Variants in GALNT13 observed in about 807,000 individuals in gnomAD.
GALNT13 encodes the protein polypeptide N-acetylgalactosaminyltransferase 13, also known as UDP-GalNAc:polypeptide N-acetylgalactosaminyltransferase 13.
In GALNT13, 28 loss-of-function variants were observed where a neutral mutation model predicts 64.2. The observed-to-expected ratio is 0.44, with a 90% confidence interval of 0.32 to 0.60. The LOEUF (loss-of-function observed/expected upper bound fraction) is 0.60, where lower values mean the gene tolerates loss of function less well. Ranked by LOEUF, GALNT13 falls within the 20% of genes least tolerant of loss-of-function variation. The probability of loss-of-function intolerance (pLI) is 0.05; values close to 1 mark genes in which losing one functional copy is unlikely to be tolerated. For synonymous variants in GALNT13, 214 were observed against 224.6 expected (o/e 0.95, Z 0.42); for missense variants, 577 against 669.8 (o/e 0.86, Z 1.53).
the GALNT13 span, among the ~76,000 whole-genome samples, chr2:153,851,207 A>G: frequency 3.3e-5 from 5 of 152,192 alleles, no homozygotes; most frequent in Admixed American, 6.5e-5. Flanking sequence ...TTTCAATACA[A>G]TTCTTGTCAG....
intron 4 of GALNT13, among the ~76,000 whole-genome samples, chr2:154,180,126 A>C (rs1284469006): frequency 6.6e-6 from 1 of 152,154 alleles, no homozygotes; most frequent in Non-Finnish European, 1.5e-5. Context: ...CATAATACAG[A>C]TGGCATTGTA....
At chr2:153,908,714 T>C (rs1688743549) in intron 2 of GALNT13, among the ~76,000 whole-genome samples, 1 of 152,090 alleles carries the variant, frequency 6.6e-6, no homozygotes, top group African/African-American at 2.4e-5. Flanking sequence ...GTGTGCAGCC[T>C]TAATTCTGGG....
chr2:153,105,724 T>C, the GALNT13 span, among the ~76,000 whole-genome samples: 1 of 151,960 alleles, frequency 6.6e-6, no homozygotes, highest in African/African-American at 2.4e-5. Flanking sequence ...TATACACCAA[T>C]AACAGACAGA....
Position 154,207,585 on chromosome 2 carries a change from A to G in GALNT13, c.312-34445A>G, listed in dbSNP as rs540515222. 8.5e-5 allele frequency among the ~76,000 whole-genome samples: 13 copies of G among 152,310 alleles called. No homozygotes were observed. In the South Asian group the frequency reaches 1.7e-3, roughly 19 times the overall value. On this transcript the variant is annotated intron_variant, in intron 4 of 12. Coordinates refer to ENST00000392825, the MANE Select transcript of GALNT13 (RefSeq NM_052917.4). ...AAATGTTATATCACTTAACATAATTATTGTAATTATCCATATTAATAGTAA... is the reference window on the plus strand; with the variant it reads ...AAATGTTATATCACTTAACATAATTGTTGTAATTATCCATATTAATAGTAA...
intron 3 of GALNT13, among the ~76,000 whole-genome samples, chr2:153,949,947 A>G (rs1351481608): frequency 1.3e-5 from 2 of 152,084 alleles, no homozygotes; most frequent in African/African-American, 4.8e-5. Flanking sequence ...AACTCATGTC[A>G]TGAAGTTTGG....
At chr2:153,087,040 G>A in the GALNT13 span, among the ~76,000 whole-genome samples, 221 of 152,156 alleles carry the variant, frequency 1.5e-3, 2 homozygotes, top group African/African-American at 4.8e-3. Flanking sequence ...TGATGAAAGC[G>A]GGCATCCATG....
In GALNT13 at chr2:154,173,046, C is replaced by T. The variant is rs181158876; in HGVS notation, c.311+32541C>T. On this transcript the variant is annotated intron_variant, in intron 4 of 12. Transcript: ENST00000392825. ...TGAGCAAAAAAGAACATGAGTAAAG[C>T]TATAGGCATCACATTACTTGACTTC... 5.9e-5 allele frequency among the ~76,000 whole-genome samples: 9 copies of T among 151,926 alleles called. No homozygotes were observed. The East Asian group carries it at 1.7e-3, about 29-fold the overall frequency.
the GALNT13 span, among the ~76,000 whole-genome samples, chr2:153,291,976 C>A: frequency 7.9e-5 from 12 of 152,202 alleles, no homozygotes; most frequent in Non-Finnish European, 1.5e-4. Flanking sequence ...ATGTATGAAA[C>A]AAGAAGCATT....
chr2:154,171,465 A>G (rs1242744851), intron 4 of GALNT13, among the ~76,000 whole-genome samples: 1 of 152,184 alleles, frequency 6.6e-6, no homozygotes, highest in East Asian at 1.9e-4. Flanking sequence ...AAGACAATGC[A>G]TGAGTTGTCA....
intron 3 of GALNT13, among the ~76,000 whole-genome samples, chr2:153,953,310 T>G (rs572666877): frequency 2.0e-5 from 3 of 152,182 alleles, no homozygotes; most frequent in Non-Finnish European, 4.4e-5. Flanking sequence ...AAAAGATACA[T>G]ACATTAGTCA....
chr2:153,409,031 A>AC, the GALNT13 span, among the ~76,000 whole-genome samples: 4 of 152,074 alleles, frequency 2.6e-5, no homozygotes, highest in South Asian at 8.3e-4. Context: ...GCCCTCAAAC[A>AC]CCAGACTCCA....
chr2:153,232,312 C>T, the GALNT13 span, among the ~76,000 whole-genome samples: 2 of 152,324 alleles, frequency 1.3e-5, no homozygotes, highest in Admixed American at 1.3e-4. Flanking sequence ...CATATATTCA[C>T]TGATATTTTA....
chr2:153,595,333 T>TA, the GALNT13 span, among the ~76,000 whole-genome samples: 1 of 151,470 alleles, frequency 6.6e-6, no homozygotes, highest in South Asian at 2.1e-4. Flanking sequence ...GATTAAAAAT[T>TA]AAAAAAATGA....
At chr2:153,598,106 T>C in the GALNT13 span, among the ~76,000 whole-genome samples, 1 of 152,128 alleles carries the variant, frequency 6.6e-6, no homozygotes, top group Non-Finnish European at 1.5e-5. Flanking sequence ...TGTGTGTGTA[T>C]GTAAACCCAA....
At chr2:153,485,525 A>G in the GALNT13 span, among the ~76,000 whole-genome samples, 1 of 152,234 alleles carries the variant, frequency 6.6e-6, no homozygotes. Flanking sequence ...ACAGTCCATC[A>G]ATAGGTAAAT....
At chr2:153,511,008 A>G in the GALNT13 span, among the ~76,000 whole-genome samples, 1 of 152,058 alleles carries the variant, frequency 6.6e-6, no homozygotes, top group Non-Finnish European at 1.5e-5. Context: ...TAGGAGTTAC[A>G]AGAGGGAGCG....
At chr2:154,088,507 A>C (rs924891077) in intron 3 of GALNT13, among the ~76,000 whole-genome samples, 2 of 152,168 alleles carry the variant, frequency 1.3e-5, no homozygotes, top group Non-Finnish European at 2.9e-5. Flanking sequence ...GCTGGAGTGC[A>C]ATGGCACGAT....
intron 9 of GALNT13, among the ~76,000 whole-genome samples, chr2:154,323,168 T>G (rs922506670): frequency 2.0e-5 from 3 of 151,494 alleles, no homozygotes; most frequent in Non-Finnish European, 4.4e-5. Flanking sequence ...TAATGACTTC[T>G]GCCTGTCATC....
chr2:153,248,658 A>G, the GALNT13 span, among the ~76,000 whole-genome samples: 2 of 151,696 alleles, frequency 1.3e-5, no homozygotes, highest in Admixed American at 1.3e-4. Flanking sequence ...CTAAAAAAAT[A>G]CAAAAAAATT....
Sources: gnomAD v4.1 joint callset for allele counts (sites outside exome capture counted in the v4.1 genomes callset) on GRCh38, gnomAD v4.1.1 for gene constraint, MANE v1.5 for transcripts, NCBI Gene and HGNC (gene_info 2026-07-23, HGNC 2026-07-21) for gene names.